INO80D: variants seen among roughly 807,000 people sequenced by gnomAD.
INO80D encodes the protein INO80 complex subunit D.
INO80D carries 21 observed loss-of-function variants against 87.6 expected under a neutral mutation model. The observed-to-expected ratio is 0.24, with a 90% confidence interval of 0.17 to 0.35. INO80D has a LOEUF of 0.35. INO80D is among the 10% of genes least tolerant of loss of function. The pLI, the probability that INO80D is intolerant of heterozygous loss-of-function variation, is 1.00. For synonymous variants in INO80D, 440 were observed against 491.0 expected, an observed-to-expected ratio of 0.90 and a Z score of 1.37; for missense variants, 982 against 1,280.7, an observed-to-expected ratio of 0.77 and a Z score of 3.56.
At chr2:206,050,407 G>A (rs1689320167) in intron 4 of INO80D, among the ~76,000 whole-genome samples, 1 of 148,804 alleles carries the variant, frequency 6.7e-6, no homozygotes, top group African/African-American at 2.5e-5. Context: ...CAGGAGAATC[G>A]CTTGAACCCG....
chr2:206,061,026 T>C (rs1308354886), intron 3 of INO80D, among the ~76,000 whole-genome samples: 1 of 152,146 alleles, frequency 6.6e-6, no homozygotes, highest in Non-Finnish European at 1.5e-5. Context: ...CTTGCCTTTT[T>C]TTTTAGATAG....
chr2:206,035,857 C>A (rs779526043), intron 5 of INO80D, among the ~76,000 whole-genome samples: 10 of 152,178 alleles, frequency 6.6e-5, no homozygotes, highest in Non-Finnish European at 1.5e-4. Context: ...CCAGAATCCA[C>A]AACGAACCCA....
intron 4 of INO80D, among the ~76,000 whole-genome samples, chr2:206,055,859 A>T (rs190773524): frequency 3.2e-3 from 487 of 152,318 alleles, no homozygotes; most frequent in Non-Finnish European, 5.5e-3. Flanking sequence ...CATTTACATT[A>T]TATCAGGTAT....
At chr2:206,077,272 G>A (rs763758473) in intron 1 of INO80D, among the ~76,000 whole-genome samples, 28 of 151,980 alleles carry the variant, frequency 1.8e-4, no homozygotes, top group Non-Finnish European at 3.5e-4. Flanking sequence ...CCCGAAAGGC[G>A]GAGCTTGCAG....
chr2:206,051,862 C>A (rs1488463923), intron 4 of INO80D, among the ~76,000 whole-genome samples: 1 of 152,146 alleles, frequency 6.6e-6, no homozygotes, highest in East Asian at 1.9e-4. Context: ...TGTGTTGACA[C>A]ACTGATGGTA....
chr2:206,030,778 C>T (rs889191999), intron 5 of INO80D, among the ~76,000 whole-genome samples: 10 of 152,130 alleles, frequency 6.6e-5, no homozygotes, highest in Non-Finnish European at 2.9e-5. Flanking sequence ...AACTGCTAAG[C>T]TTTGTAACTG....
chr2:206,025,542 A>ATATATATATATATATATAT (rs1553616187), intron 6 of INO80D: 3 of 76,930 alleles, frequency 3.9e-5, no homozygotes, highest in Non-Finnish European at 7.7e-5. Context: ...AAAAAAAAAA[A>ATATATATATATATATATAT]ATATATATAT....
chr2:206,055,209 T>C (rs554398143), intron 4 of INO80D, among the ~76,000 whole-genome samples: 1 of 152,372 alleles, frequency 6.6e-6, no homozygotes, highest in South Asian at 2.1e-4. Context: ...GTGAAAATCA[T>C]AGCTCATATT....
chr2:206,074,668 G>A (rs1690063250), intron 1 of INO80D, among the ~76,000 whole-genome samples: 1 of 152,234 alleles, frequency 6.6e-6, no homozygotes, highest in South Asian at 2.1e-4. Context: ...GGCTGGGCAT[G>A]GCGGCTCACG....
chr2:206,056,658 C>T lies in INO80D; in HGVS notation c.504G>A (p.Lys168=). 2 of 1,613,114 alleles carry T rather than the reference C, an allele frequency of 1.2e-6. No homozygotes were observed. The highest frequency in any genetic ancestry group is 1.7e-6 in the Non-Finnish European group (2 of 1,179,484). ...DDLKKGATVR[K]KLQSKLAQNR... The stretch of plus-strand genomic sequence containing the variant: ...TCTGGGCCAACTTGCTCTGCAACTT[C>T]TTTCTCACAGTTGCCCCTTTCTTTA... The change falls in exon 4 of 11, where the codon AAG becomes AAA. Residue 168 remains lysine, a synonymous_variant. Transcript: ENST00000403263.
chr2:206,071,712 T>C (rs538078052), intron 1 of INO80D, among the ~76,000 whole-genome samples: 13 of 151,842 alleles, frequency 8.6e-5, no homozygotes, highest in African/African-American at 2.9e-4. Context: ...ATCAGCTCAC[T>C]CTTACAATAC....
chr2:206,085,597 C>G lies in INO80D; in HGVS notation c.-124+304G>C, dbSNP rs1391407444. On this transcript the variant is annotated intron_variant, in intron 1 of 10. Transcript: ENST00000403263. The surrounding 1 kb of genome is among the most constrained non-coding windows in gnomAD (Gnocchi z 4.5). Reference sequence around the variant, plus strand: ...CCGAGGCCTACCGGCGCCCCCCCCTCCCGCCGCACACCCCCACCTGGCCCG... The same window carrying G: ...CCGAGGCCTACCGGCGCCCCCCCCTGCCGCCGCACACCCCCACCTGGCCCG... 1 of 149,008 alleles carries G rather than the reference C, an allele frequency of 6.7e-6. No individual in the cohort carries two copies. The highest frequency in any genetic ancestry group is 1.5e-5 in the Non-Finnish European group (1 of 66,860). 9.2% of individuals were successfully genotyped at this position (149,008 alleles called of 1,614,324 possible). A position where few individuals can be genotyped will look rare whatever the true frequency, so the allele number is the denominator to read the frequency against.
At chr2:206,016,986 GGACTAATACACCAGT>G (rs1393685472) in intron 8 of INO80D, among the ~76,000 whole-genome samples, 1 of 152,092 alleles carries the variant, frequency 6.6e-6, no homozygotes, top group Non-Finnish European at 1.5e-5. Context: ...GCATGAAAAC[GGACTAATACACCAGT>G]GAATCACACA....
At chr2:206,020,762 AG>A (rs1688441493) in intron 6 of INO80D, among the ~76,000 whole-genome samples, 1 of 152,126 alleles carries the variant, frequency 6.6e-6, no homozygotes. Context: ...CTAATTTGCC[AG>A]CCCCCACTCC....
chr2:206,017,642 G>C, intron 8 of INO80D, 38 bp downstream of exon 8: 1 of 1,496,864 alleles, frequency 6.7e-7, no homozygotes, highest in Non-Finnish European at 8.9e-7. Context: ...ACAGTGGATA[G>C]CTACAAAAAG....
At position 206,046,535 on chromosome 2, in the gene INO80D, T is replaced by C. The variant is rs1411023330; in HGVS notation, c.1042A>G (p.Ile348Val). ...CTTTGATATCTGAGGGTTTCCCGGATGGACCATGCAACCTGGTAGGGCGAG... is the reference window on the plus strand; with the variant it reads ...CTTTGATATCTGAGGGTTTCCCGGACGGACCATGCAACCTGGTAGGGCGAG... Reference protein sequence around the residue: ...QASPYQVAWSIRETLRYQRHA... With the variant: ...QASPYQVAWSVRETLRYQRHA... Residue 348 changes from isoleucine to valine, a missense_variant, in exon 5 of 11, where the codon ATC (isoleucine) becomes GTC (valine). Ile to Val is a conservative substitution (Grantham distance 29). Transcript: ENST00000403263. 8.1e-6 allele frequency: 13 copies of C among 1,612,798 alleles called. No homozygotes were observed. Among genetic ancestry groups the C allele is most frequent in the Non-Finnish European group, 1.0e-5 (12 of 1,178,838 alleles).
At chr2:206,061,319 T>C (rs1689684883) in intron 3 of INO80D, among the ~76,000 whole-genome samples, 1 of 152,200 alleles carries the variant, frequency 6.6e-6, no homozygotes, top group South Asian at 2.1e-4. Flanking sequence ...TCCTTGCTGC[T>C]ATTAAGATAA....
chr2:206,076,318 ATATT>A (rs1467048235), intron 1 of INO80D, among the ~76,000 whole-genome samples: 3 of 152,234 alleles, frequency 2.0e-5, no homozygotes, highest in African/African-American at 7.2e-5. Context: ...TGTTAAAATC[ATATT>A]TAGAGTATCA....
At chr2:206,052,992 A>G (rs1689415922) in intron 4 of INO80D, among the ~76,000 whole-genome samples, 1 of 152,148 alleles carries the variant, frequency 6.6e-6, no homozygotes, top group African/African-American at 2.4e-5. Flanking sequence ...AAAGGCAATA[A>G]TAACAATAAT....
Sources: gnomAD v4.1 joint callset for allele counts (sites outside exome capture counted in the v4.1 genomes callset) on GRCh38, gnomAD v4.1.1 for gene constraint, Gnocchi (gnomAD v3.1) non-coding constraint, MANE v1.5 for transcripts, NCBI Gene and HGNC (gene_info 2026-07-23, HGNC 2026-07-21) for gene names.